Variants in ALPK1 observed in about 807,000 individuals in gnomAD.
ALPK1 encodes alpha-protein kinase 1.
A neutral mutation model predicts 120.6 loss-of-function variants in ALPK1; 110 were observed. The ratio of observed to expected loss-of-function variants is 0.91; its 90% CI spans 0.78 to 1.07. The LOEUF is 1.07. Ranked by LOEUF, ALPK1 falls within the 50% of genes least tolerant of loss-of-function variation. The pLI, the probability that ALPK1 is intolerant of heterozygous loss-of-function variation, is 0.00. For missense variants in ALPK1, 1,498 were observed against 1,483.9 expected, an observed-to-expected ratio of 1.01 and a Z score of -0.16; for synonymous variants, 582 against 560.3, an observed-to-expected ratio of 1.04 and a Z score of -0.55.
intron 4 of ALPK1, among the ~76,000 whole-genome samples, chr4:112,387,101 G>A (rs141293390): frequency 1.3e-5 from 2 of 152,290 alleles, no homozygotes; most frequent in Non-Finnish European, 2.9e-5. Flanking sequence ...TCAGCTTTGG[G>A]CCATGGCGGT....
Position 112,432,206 on chromosome 4 carries a change from AC to A in ALPK1, c.2664del (p.Asn889IlefsTer4). ...LRQPPGQRAE[T>X]PNSSVSGNIL... ...ACAGCCGCCTGGTCAGAGGGCGGAG[AC>A]CCCCAATTCCTCTGTAAGCGGTAAC... On this transcript the variant is annotated frameshift_variant, in exon 11 of 16. Transcript: ENST00000650871. LOFTEE classifies it high-confidence loss of function. 6.2e-7 allele frequency: 1 copy of A among 1,613,990 alleles called. No homozygotes were observed. The highest frequency in any genetic ancestry group is 8.5e-7 in the Non-Finnish European group (1 of 1,179,992).
chr4:112,341,559 T>C (rs553506348), intron 2 of ALPK1, among the ~76,000 whole-genome samples: 2 of 152,358 alleles, frequency 1.3e-5, no homozygotes, highest in Non-Finnish European at 2.9e-5. Flanking sequence ...AAATTCATTA[T>C]GTCTTTTTTT....
chr4:112,431,613 G>A lies in ALPK1; in HGVS notation c.2066G>A (p.Gly689Glu), dbSNP rs541227264. 4.8e-5 allele frequency: 78 copies of A among 1,614,120 alleles called. No individual in the cohort carries two copies. In the East Asian group the frequency reaches 1.5e-3, roughly 32 times the overall value. The change falls in exon 11 of 16, where the codon GGG (glycine) becomes GAG (glutamate). Residue 689 changes from glycine to glutamate, a missense_variant. Physicochemically the swap from Gly to Glu is moderately conservative, Grantham distance 98 (BLOSUM62 -2). Coordinates refer to ENST00000650871, the MANE Select transcript of ALPK1 (RefSeq NM_025144.4). ...TPGIFLAPGAGLLEGAPEGIQ... is the reference protein window; with the variant it reads ...TPGIFLAPGAELLEGAPEGIQ... ...GGCATTTTCTTGGCCCCTGGTGCAGGGCTTCTAGAAGGAGCTCCAGAAGGT... is the reference window on the plus strand; with the variant it reads ...GGCATTTTCTTGGCCCCTGGTGCAGAGCTTCTAGAAGGAGCTCCAGAAGGT...
chr4:112,409,254 A>G (rs905155366), intron 4 of ALPK1, among the ~76,000 whole-genome samples: 1 of 152,118 alleles, frequency 6.6e-6, no homozygotes, highest in Non-Finnish European at 1.5e-5. Context: ...CCAAGTAGCA[A>G]AATACACAGC....
Position 112,432,147 on chromosome 4 carries a change from A to G in ALPK1, c.2600A>G (p.Asn867Ser), listed in dbSNP as rs1363761015. Residue 867 changes from asparagine to serine, a missense_variant, in exon 11 of 16, where the codon AAT becomes AGT. Coordinates refer to ENST00000650871, the MANE Select transcript of ALPK1 (RefSeq NM_025144.4). The stretch of plus-strand genomic sequence containing the variant: ...GACAGCATGGATGTTCCCTGCACAA[A>G]TGGGCACGGCTCTCATAGACTGTGC... ...LLDSMDVPCT[N>S]GHGSHRLCIL... 1.2e-6 allele frequency: 2 copies of G among 1,614,194 alleles called. No homozygotes were observed. Among genetic ancestry groups the G allele is most frequent in the East Asian group, 2.2e-5 (1 of 44,884 alleles).
intron 2 of ALPK1, among the ~76,000 whole-genome samples, chr4:112,317,980 G>A (rs942146363): frequency 2.0e-4 from 31 of 152,140 alleles, no homozygotes; most frequent in African/African-American, 4.1e-4. Flanking sequence ...ACCACAAGAC[G>A]TGTGTGTACT....
intron 4 of ALPK1, among the ~76,000 whole-genome samples, chr4:112,391,019 T>C (rs933528373): frequency 6.6e-6 from 1 of 152,204 alleles, no homozygotes; most frequent in African/African-American, 2.4e-5. Flanking sequence ...CTAAGGTATG[T>C]CATGATTCAT....
intron 4 of ALPK1, among the ~76,000 whole-genome samples, chr4:112,409,809 C>T (rs926640757): frequency 3.3e-5 from 5 of 152,062 alleles, no homozygotes; most frequent in Non-Finnish European, 5.9e-5. Flanking sequence ...ATTGAGCTTC[C>T]GTCACATGGA....
At chr4:112,325,612 G>T (rs540300824) in intron 2 of ALPK1, among the ~76,000 whole-genome samples, 1 of 152,090 alleles carries the variant, frequency 6.6e-6, no homozygotes, top group Non-Finnish European at 1.5e-5. Flanking sequence ...TAAAACTTAC[G>T]GGGCAATCGT....
In ALPK1 at chr4:112,358,255, C is replaced by T. The variant is rs566982511; in HGVS notation, c.-100-19423C>T. 3.0e-3 allele frequency: 1,764 copies of T among 588,024 alleles called. 20 individuals are homozygous for T. Among genetic ancestry groups the T allele is most frequent in the South Asian group, 0.014 (899 of 65,316 alleles). The allele number at this position is 588,024 out of a possible 1,614,324, so 36.4% of individuals were successfully genotyped here. A position where few individuals can be genotyped will look rare whatever the true frequency, so the allele number is the denominator to read the frequency against. ...GGGTTGCCTTTGCAGACGCCAGAGC[C>T]CAGCTGCCCTCCTGGGTGCGTCCCT... On this transcript the variant is annotated intron_variant, in intron 2 of 15. Coordinates refer to ENST00000650871, the MANE Select transcript of ALPK1 (RefSeq NM_025144.4).
intron 4 of ALPK1, among the ~76,000 whole-genome samples, chr4:112,402,693 A>G (rs1222789090): frequency 1.3e-5 from 2 of 152,186 alleles, no homozygotes; most frequent in African/African-American, 4.8e-5. Context: ...TCTCATCCAT[A>G]TCCACATATT....
chr4:112,392,945 A>T (rs1199443508), intron 4 of ALPK1, among the ~76,000 whole-genome samples: 1 of 152,242 alleles, frequency 6.6e-6, no homozygotes, highest in Non-Finnish European at 1.5e-5. Flanking sequence ...ACAAACGCTC[A>T]GGGGCTGAAA....
rs988300087 is a variant in ALPK1 at position 112,439,699 on chromosome 4, A to G, written c.3365A>G (p.Lys1122Arg). The change falls in exon 14 of 16, where the codon AAG becomes AGG. Residue 1122 changes from lysine to arginine, a missense_variant. Physicochemically the swap from Lys to Arg is conservative, Grantham distance 26. Transcript: ENST00000650871. ...PSTILLILEDKTIKGCISVEP... is the reference protein window; with the variant it reads ...PSTILLILEDRTIKGCISVEP... ...GCTATTTTTCAGATTTTAGAGGACA[A>G]GACAATAAAGGGATGTATCAGTGTG... 8.7e-6 allele frequency: 14 copies of G among 1,603,344 alleles called. No individual in the cohort carries two copies. The African/African-American group carries it at 1.9e-4, about 22-fold the overall frequency.
At chr4:112,317,483 T>C (rs1192678365) in intron 2 of ALPK1, among the ~76,000 whole-genome samples, 2 of 152,176 alleles carry the variant, frequency 1.3e-5, no homozygotes, top group African/African-American at 4.8e-5. Context: ...CCAATACCGT[T>C]TGTTGGAAAA....
chr4:112,379,032 G>A (rs1322260544), intron 3 of ALPK1, among the ~76,000 whole-genome samples: 5 of 152,186 alleles, frequency 3.3e-5, no homozygotes, highest in Admixed American at 2.0e-4. Context: ...CAGGTACTTG[G>A]CACCTATAGA....
At position 112,426,510 on chromosome 4, in the gene ALPK1, AGGATATTTGGCACTTCCTCAGCC is replaced by A; in HGVS notation, c.672_694del (p.Tyr224Ter). 1 of 1,590,452 alleles carries A rather than the reference AGGATATTTGGCACTTCCTCAGCC, an allele frequency of 6.3e-7. No individual in the cohort carries two copies. Among genetic ancestry groups the A allele is most frequent in the Non-Finnish European group, 8.5e-7 (1 of 1,171,362 alleles). ...CAGAGTTAATATGGGCCTCCATTGT[AGGATATTTGGCACTTCCTCAGCC>A]GGATAAAAAGGTGGTTTGTCTAGTG... On this transcript the variant is annotated frameshift_variant, in exon 8 of 16. Transcript: ENST00000650871. LOFTEE classifies it high-confidence loss of function.
At chr4:112,308,991 G>A (rs1728262930) in intron 1 of ALPK1, among the ~76,000 whole-genome samples, 1 of 152,174 alleles carries the variant, frequency 6.6e-6, no homozygotes, top group Admixed American at 6.5e-5. Flanking sequence ...CTGCAGGTCT[G>A]TTGGAGTTTG....
chr4:112,384,340 A>G (rs1201855236), intron 4 of ALPK1: 2 of 152,248 alleles, frequency 1.3e-5, no homozygotes, highest in South Asian at 2.1e-4. Context: ...TGTATTGATG[A>G]TGGAAATGTT....
At chr4:112,434,002 C>T (rs1734686421) in intron 11 of ALPK1, among the ~76,000 whole-genome samples, 1 of 152,216 alleles carries the variant, frequency 6.6e-6, no homozygotes, top group African/African-American at 2.4e-5. Flanking sequence ...TTGCCTGCCA[C>T]CTTGAAGTCC....
Sources: allele counts gnomAD v4.1 joint callset (sites outside exome capture counted in the v4.1 genomes callset), GRCh38; gene constraint gnomAD v4.1.1; transcripts MANE v1.5; gene names NCBI Gene and HGNC (gene_info 2026-07-23, HGNC 2026-07-21).